MECOM: variants seen among roughly 807,000 people sequenced by gnomAD.
MECOM encodes the protein MDS1 and EVI1 complex locus, also known as histone-lysine N-methyltransferase MECOM.
MECOM carries 13 observed loss-of-function variants against 116.3 expected under a neutral mutation model. The observed-to-expected ratio is 0.11, with a 90% CI of 0.07 to 0.18. The LOEUF (loss-of-function observed/expected upper bound fraction) is 0.18. MECOM is among the 10% of genes least tolerant of loss of function. The probability of loss-of-function intolerance (pLI) is 1.00; values close to 1 mark genes in which losing one functional copy is unlikely to be tolerated. For missense variants in MECOM, 1,299 were observed against 1,509.0 expected, an observed-to-expected ratio of 0.86 and a Z score of 2.31; for synonymous variants, 528 against 535.2, an observed-to-expected ratio of 0.99 and a Z score of 0.19.
intron 2 of MECOM, among the ~76,000 whole-genome samples, chr3:169,153,320 G>T (rs1485260183): frequency 1.3e-5 from 2 of 152,022 alleles, no homozygotes; most frequent in African/African-American, 4.8e-5. Flanking sequence ...CACAAAAAAT[G>T]CATAACATAT....
intron 2 of MECOM, chr3:169,146,323 C>A: frequency 7.8e-7 from 1 of 1,285,010 alleles, no homozygotes; most frequent in South Asian, 1.4e-5. Context: ...CGGCCGAGAG[C>A]GGCTCCAAAG....
chr3:169,591,257 C>T (rs1402041889), intron 1 of MECOM, among the ~76,000 whole-genome samples: 1 of 152,152 alleles, frequency 6.6e-6, no homozygotes, highest in Non-Finnish European at 1.5e-5. Flanking sequence ...TATCTTTGTA[C>T]ATGTAATTAT....
chr3:169,298,435 A>G (rs571040746), intron 2 of MECOM, among the ~76,000 whole-genome samples: 51 of 151,964 alleles, frequency 3.4e-4, no homozygotes, highest in Non-Finnish European at 6.2e-4. Context: ...ATAACATTTC[A>G]TATATAATAT....
chr3:169,320,366 T>C (rs1199098159), intron 2 of MECOM, among the ~76,000 whole-genome samples: 1 of 152,208 alleles, frequency 6.6e-6, no homozygotes, highest in Non-Finnish European at 1.5e-5. Context: ...ATCCTAAGGA[T>C]ACAAAGTGAT....
chr3:169,100,634 G>A (rs1412011737), intron 12 of MECOM, among the ~76,000 whole-genome samples: 2 of 152,068 alleles, frequency 1.3e-5, no homozygotes, highest in East Asian at 3.9e-4. Context: ...TACTTATTCT[G>A]TCCTAGACAC....
At chr3:169,146,077 C>A in intron 2 of MECOM, 1 of 264,996 alleles carries the variant, frequency 3.8e-6, no homozygotes, top group Non-Finnish European at 6.6e-6. Context: ...AGTAACGACA[C>A]ATCTTCAGTC....
chr3:169,299,220 G>T (rs1716230794), intron 2 of MECOM, among the ~76,000 whole-genome samples: 1 of 152,028 alleles, frequency 6.6e-6, no homozygotes, highest in Non-Finnish European at 1.5e-5. Context: ...CACTCAGGAG[G>T]CCCGTTTATT....
At chr3:169,239,464 T>C (rs1005121142) in intron 2 of MECOM, among the ~76,000 whole-genome samples, 3 of 151,882 alleles carry the variant, frequency 2.0e-5, no homozygotes, top group Non-Finnish European at 4.4e-5. Flanking sequence ...ATCTAAGTAA[T>C]AGCTATCAAA....
chr3:169,163,253 CATT>C (rs1400807874), intron 2 of MECOM, among the ~76,000 whole-genome samples: 1 of 152,000 alleles, frequency 6.6e-6, no homozygotes, highest in African/African-American at 2.4e-5. Flanking sequence ...TTATTACTAA[CATT>C]AGTCAGTCGT....
Position 169,421,689 on chromosome 3 carries a change from A to T in MECOM, c.38-40165T>A, listed in dbSNP as rs1485788007. On this transcript the variant is annotated intron_variant, in intron 1 of 16. Transcript: ENST00000651503. ...CACTTATAGCATGTTTGTTTTTTTA[A>T]AAAAAAAAAACAAAACGATTTCTTA... 2.9e-5 allele frequency among the ~76,000 whole-genome samples: 4 copies of T among 137,848 alleles called. No homozygotes were observed. In the East Asian group the frequency reaches 8.4e-4, roughly 29 times the overall value. 90.4% of individuals were successfully genotyped at this position (137,848 alleles called of 152,430 possible). A position where few individuals can be genotyped will look rare whatever the true frequency, so the allele number is the denominator to read the frequency against.
At chr3:169,562,139 C>CAAAAAAAAAAAAAAAA in intron 1 of MECOM, among the ~76,000 whole-genome samples, 1 of 25,288 alleles carries the variant, frequency 4.0e-5, no homozygotes, top group Non-Finnish European at 7.7e-5. Context: ...GAGCAATACT[C>CAAAAAAAAAAAAAAAA]AAAAAAAAAA....
At chr3:169,360,290 TAAAAAAAA>T (rs1203615730) in intron 2 of MECOM, among the ~76,000 whole-genome samples, 6 of 29,538 alleles carry the variant, frequency 2.0e-4, no homozygotes, top group Admixed American at 5.1e-4. Flanking sequence ...TAAAGTATAA[TAAAAAAAA>T]AAAAAAAAAA....
chr3:169,417,791 G>A (rs1738935170), intron 1 of MECOM, among the ~76,000 whole-genome samples: 1 of 152,018 alleles, frequency 6.6e-6, no homozygotes, highest in Non-Finnish European at 1.5e-5. Flanking sequence ...AAAATGATGA[G>A]TTCATGTCCT....
At chr3:169,534,534 A>G (rs565872631) in intron 1 of MECOM, among the ~76,000 whole-genome samples, 2 of 151,180 alleles carry the variant, frequency 1.3e-5, no homozygotes, top group African/African-American at 4.9e-5. Context: ...CACTCCCCCC[A>G]TTCTTCCTTT....
In MECOM at chr3:169,146,932, G is replaced by T. The variant is rs988365901; in HGVS notation, c.376-3100C>A. On this transcript the variant is annotated intron_variant, in intron 2 of 16. Transcript: ENST00000651503. ...TTCCAAATGGGTCTCTGACAACTTT[G>T]TCCGTCTCTAGGATCTGCTCTCCAG... 6.8e-6 allele frequency: 7 copies of T among 1,023,142 alleles called. No homozygotes were observed. The East Asian group carries it at 5.3e-4, about 78-fold the overall frequency. The allele number at this position is 1,023,142 out of a possible 1,614,324, so 63.4% of individuals were successfully genotyped here. A position where few individuals can be genotyped will look rare whatever the true frequency, so the allele number is the denominator to read the frequency against.
At chr3:169,371,827 A>G (rs755447057) in intron 2 of MECOM, among the ~76,000 whole-genome samples, 6 of 152,034 alleles carry the variant, frequency 3.9e-5, no homozygotes, top group African/African-American at 7.2e-5. Context: ...TAGAAGTGCA[A>G]TGTTGCTGTT....
chr3:169,371,100 A>C (rs75684345), intron 2 of MECOM, among the ~76,000 whole-genome samples: 3 of 152,042 alleles, frequency 2.0e-5, no homozygotes, highest in Admixed American at 2.0e-4. Context: ...ACAGTAGCCA[A>C]AATATAGAAA....
chr3:169,520,354 C>A (rs1194221749), intron 1 of MECOM, among the ~76,000 whole-genome samples: 1 of 152,208 alleles, frequency 6.6e-6, no homozygotes, highest in Non-Finnish European at 1.5e-5. Context: ...TTTTCCCACC[C>A]TTCCCAACCT....
chr3:169,083,651 CA>C lies in MECOM; in HGVS notation c.*1257del. 5.0e-6 allele frequency: 1 copy of C among 199,502 alleles called. No homozygotes were observed. The allele number at this position is 199,502 out of a possible 1,614,324, so 12.4% of individuals were successfully genotyped here. ...AATGAGATTACAAACAAAAAGAAAA[CA>C]AATCTGGTTCCTCAATAAAGGGCAA... On this transcript the variant is annotated 3_prime_UTR_variant, in exon 17 of 17. Transcript: ENST00000651503.
Sources: allele counts gnomAD v4.1 joint callset (sites outside exome capture counted in the v4.1 genomes callset), GRCh38; gene constraint gnomAD v4.1.1; transcripts MANE v1.5; gene names NCBI Gene and HGNC (gene_info 2026-07-23, HGNC 2026-07-21).